The following FBXO3 variants were observed in gnomAD, a reference collection of about 807,000 sequenced individuals.
FBXO3 encodes the protein F-box protein 3.
FBXO3 carries 17 observed loss-of-function variants against 64.8 expected under a neutral mutation model. The observed-to-expected ratio is 0.26, with a 90% CI of 0.18 to 0.39. FBXO3 has a LOEUF of 0.39. Ranked by LOEUF, FBXO3 falls within the 10% of genes least tolerant of loss-of-function variation. FBXO3 has a pLI of 1.00. For synonymous variants in FBXO3, 182 were observed against 201.6 expected (o/e 0.90, Z 0.82); for missense variants, 420 against 589.9 (o/e 0.71, Z 2.98).
At chr11:33,757,955 C>CAA (rs1285714596) in intron 4 of FBXO3, among the ~76,000 whole-genome samples, 3,195 of 86,420 alleles carry the variant, frequency 0.037, 57 homozygotes, top group Non-Finnish European at 0.061. Context: ...GACCCTGTCT[C>CAA]AAAAAAAAAA....
chr11:33,742,118 G>C, intron 10 of FBXO3, 34 bp from the exon 11 acceptor site: 1 of 1,475,132 alleles, frequency 6.8e-7, no homozygotes. Context: ...GATAAGAAGA[G>C]CATCTATCAG....
intron 1 of FBXO3, chr11:33,774,047 AC>A (rs1372485011): frequency 1.0e-5 from 3 of 287,364 alleles, no homozygotes; most frequent in Non-Finnish European, 2.0e-5. Context: ...ACTGACCCCA[AC>A]CGGGCGGGCA....
In FBXO3 at chr11:33,758,546, A is replaced by G; in HGVS notation, c.414T>C (p.Leu138=). The G allele has an allele frequency of 6.2e-7, 1 of 1,610,536 alleles. No individual in the cohort carries two copies. Among genetic ancestry groups the G allele is most frequent in the East Asian group, 2.2e-5 (1 of 44,792 alleles). ...GGTATGAACATCGATAATCGTCAGG[A>G]AGCTTGCAGCCAATCTGCGCTTCCA... ...DAVEAQIGCK[L]PDDYRCSYRI... is the part of the protein sequence containing the mutation. The change falls in exon 4 of 11, where the codon CTT becomes CTC. Residue 138 remains leucine, a synonymous_variant. Transcript: ENST00000265651.
intron 1 of FBXO3, chr11:33,771,457 T>C (rs903334959): frequency 7.2e-5 from 11 of 152,248 alleles, no homozygotes; most frequent in African/African-American, 2.7e-4. Flanking sequence ...TTTCTTACTA[T>C]ATAAAGATTT....
chr11:33,747,534 CAG>C (rs1455152832), intron 9 of FBXO3, among the ~76,000 whole-genome samples: 8 of 146,008 alleles, frequency 5.5e-5, no homozygotes, highest in Non-Finnish European at 9.0e-5. Flanking sequence ...TTTTTTGAGA[CAG>C]AGTCTTGCTC....
chr11:33,764,942 C>G (rs1484527116), intron 3 of FBXO3, among the ~76,000 whole-genome samples: 1 of 152,250 alleles, frequency 6.6e-6, no homozygotes, highest in South Asian at 2.1e-4. Flanking sequence ...CCACTGTACT[C>G]CATCCTGAGT....
intron 3 of FBXO3, among the ~76,000 whole-genome samples, chr11:33,765,140 G>C (rs927990475): frequency 1.3e-5 from 2 of 152,160 alleles, no homozygotes; most frequent in African/African-American, 2.4e-5. Flanking sequence ...TTCAAGTGAA[G>C]TCTGGAGTTT....
At chr11:33,744,027 C>T (rs1854751605) in intron 10 of FBXO3, 1 of 152,106 alleles carries the variant, frequency 6.6e-6, no homozygotes, top group South Asian at 2.1e-4. Context: ...AATTGTGTCA[C>T]TTAGGATTTA....
Position 33,768,705 on chromosome 11 carries a change from C to T in FBXO3, c.358+146G>A, listed in dbSNP as rs1855434346. On this transcript the variant is annotated intron_variant, in intron 3 of 10. Transcript: ENST00000265651. Reference sequence around the variant, plus strand: ...GGTAAGCACTAGAGTGAAGGTCCTACTTCCATGGCCAAATATGAACAGTAA... The same window carrying T: ...GGTAAGCACTAGAGTGAAGGTCCTATTTCCATGGCCAAATATGAACAGTAA... 6.3e-5 allele frequency: 58 copies of T among 918,076 alleles called. 1 individual carries two copies. The South Asian group carries it at 7.9e-4, about 12-fold the overall frequency. The allele number at this position is 918,076 out of a possible 1,614,324, so 56.9% of individuals were successfully genotyped here.
At chr11:33,751,863 T>C (rs545863655) in intron 6 of FBXO3, among the ~76,000 whole-genome samples, 76 of 152,348 alleles carry the variant, frequency 5.0e-4, no homozygotes, top group African/African-American at 1.8e-3. Context: ...GACTATTTTT[T>C]TACACTTATA....
intron 1 of FBXO3, chr11:33,772,977 G>T (rs1192315762): frequency 6.7e-6 from 1 of 149,946 alleles, no homozygotes; most frequent in Non-Finnish European, 1.5e-5. Context: ...GCAAGGTCGA[G>T]AGCTTGAGCC....
chr11:33,769,707 G>T lies in FBXO3; in HGVS notation c.195-693C>A, dbSNP rs571418023. On this transcript the variant is annotated intron_variant, in intron 2 of 10. Coordinates refer to ENST00000265651, the MANE Select transcript of FBXO3 (RefSeq NM_012175.4). Reference sequence around the variant, plus strand: ...GTAAGCCTTTGTGATGAATATAGAAGGAGGGAGAGAAGTGGGGAGAGAGAG... The same window carrying T: ...GTAAGCCTTTGTGATGAATATAGAATGAGGGAGAGAAGTGGGGAGAGAGAG... Among the ~76,000 whole-genome samples the T allele has an allele frequency of 1.7e-3, 260 of 151,992 alleles. 1 individual carries two copies. Among genetic ancestry groups the T allele is most frequent in the African/African-American group, 6.2e-3 (256 of 41,478 alleles).
At chr11:33,742,206 A>T in intron 10 of FBXO3, 122 bp from the exon 11 acceptor site, 1 of 886,002 alleles carries the variant, frequency 1.1e-6, no homozygotes, top group South Asian at 2.2e-5. Context: ...ATTTCCATAG[A>T]CTTGAACAGT....
intron 1 of FBXO3, chr11:33,771,724 A>T (rs1234471284): frequency 1.3e-5 from 2 of 152,206 alleles, no homozygotes; most frequent in Non-Finnish European, 2.9e-5. Flanking sequence ...TGATTTTCAG[A>T]TTTTACAGAA....
At chr11:33,752,223 G>A (rs183448593) in intron 6 of FBXO3, among the ~76,000 whole-genome samples, 159 of 152,258 alleles carry the variant, frequency 1.0e-3, no homozygotes, top group African/African-American at 3.7e-3. Context: ...AAGGATTACT[G>A]GAACAGTCTA....
rs1854747182 is a variant in FBXO3 at position 33,743,804 on chromosome 11, G to A, written c.1240-1720C>T. On this transcript the variant is annotated intron_variant, in intron 10 of 10. Transcript: ENST00000265651. This position sits in a 1 kb window ranked among gnomAD's most constrained non-coding sequence, Gnocchi z 4.6. ...CCTCTCCTGACACATCTTTATATTAGAACAACCTAACAATACGTTCTTTAT... is the reference window on the plus strand; with the variant it reads ...CCTCTCCTGACACATCTTTATATTAAAACAACCTAACAATACGTTCTTTAT... 2 of 152,158 alleles carry A rather than the reference G, an allele frequency of 1.3e-5. No homozygotes were observed. The highest frequency in any genetic ancestry group is 4.1e-4 in the South Asian group (2 of 4,830). The allele number at this position is 152,158 out of a possible 1,614,324, so 9.4% of individuals were successfully genotyped here. A position where few individuals can be genotyped will look rare whatever the true frequency, so the allele number is the denominator to read the frequency against.
At chr11:33,754,278 C>A in intron 6 of FBXO3, 177 bp downstream of exon 6, 2 of 515,316 alleles carry the variant, frequency 3.9e-6, no homozygotes, top group Non-Finnish European at 6.8e-6. Flanking sequence ...ATATTCAATA[C>A]AAAAACGGTT....
intron 2 of FBXO3, among the ~76,000 whole-genome samples, chr11:33,769,863 T>G (rs1855469645): frequency 6.6e-6 from 1 of 150,570 alleles, no homozygotes; most frequent in African/African-American, 2.4e-5. Flanking sequence ...GGTTTTTTTT[T>G]TTTTTTTTTT....
At chr11:33,747,893 A>AC (rs1489933215) in intron 9 of FBXO3, among the ~76,000 whole-genome samples, 44 of 151,468 alleles carry the variant, frequency 2.9e-4, no homozygotes, top group South Asian at 8.4e-4. Context: ...AAAAAAAAAA[A>AC]CAGAACAGGC....
Sources: allele counts gnomAD v4.1 joint callset (sites outside exome capture counted in the v4.1 genomes callset), GRCh38; gene constraint gnomAD v4.1.1; non-coding constraint Gnocchi (gnomAD v3.1); transcripts MANE v1.5; gene names NCBI Gene and HGNC (gene_info 2026-07-23, HGNC 2026-07-21).